F9: variants seen among roughly 807,000 people sequenced by gnomAD.
The protein encoded by F9 is coagulation factor IX, also known as Christmas factor.
Under a neutral mutation model 34.1 loss-of-function variants are expected in F9, and 2 were observed. That is an observed-to-expected ratio of 0.06 (90% CI 0.02 to 0.18). The LOEUF is 0.18. Ranked by LOEUF, F9 falls within the 10% of genes least tolerant of loss-of-function variation. The probability of loss-of-function intolerance (pLI) is 1.00; values close to 1 mark genes in which losing one functional copy is unlikely to be tolerated. For missense variants in F9, 216 were observed against 345.1 expected (o/e 0.63, Z 2.96); for synonymous variants, 137 against 118.8 (o/e 1.15, Z -1.00).
intron 6 of F9, among the ~76,000 whole-genome samples, chrX:139,553,762 G>A (rs368481387): frequency 2.1e-4 from 19 of 91,673 alleles, no homozygotes; most frequent in Non-Finnish European, 3.1e-4. Context: ...GCAGTGAGCC[G>A]AGATCCCGCC....
At chrX:139,541,026 G>A in intron 3 of F9, 50 bp from the exon 4 acceptor site, 1 of 927,317 alleles carries the variant, frequency 1.1e-6, no homozygotes, top group Non-Finnish European at 1.5e-6. Flanking sequence ...GGAGGACCGG[G>A]CATTCTAAGC....
intron 6 of F9, among the ~76,000 whole-genome samples, chrX:139,558,104 G>A (rs1174782866): frequency 1.8e-5 from 2 of 113,128 alleles, no homozygotes; most frequent in African/African-American, 3.2e-5. Context: ...CTCCCCCAGC[G>A]GGGACATGGG....
In F9 at chrX:139,530,872, A is replaced by AAAT. The variant is rs769827489; in HGVS notation, c.88+20_88+21insAAT. ...GTACAGGTTTGTTTCCTTTTTTAAA[A>AAAT]TACATTGAGTATGCTTGCCTTTTAG... On this transcript the variant is annotated intron_variant, in intron 1 of 7. Coordinates refer to ENST00000218099, the MANE Select transcript of F9 (RefSeq NM_000133.4). The AAAT allele has an allele frequency of 9.0e-7, 1 of 1,116,269 alleles. No individual in the cohort carries two copies. The allele number at this position is 1,116,269 out of a possible 1,213,427, so 92.0% of individuals were successfully genotyped here. A position where few individuals can be genotyped will look rare whatever the true frequency, so the allele number is the denominator to read the frequency against.
intron 1 of F9, among the ~76,000 whole-genome samples, chrX:139,531,531 G>T (rs1927344097): frequency 8.9e-6 from 1 of 112,258 alleles, no homozygotes; most frequent in Non-Finnish European, 1.9e-5. Context: ...GAGTTCCCTA[G>T]GGGAGAAAAG....
At chrX:139,555,643 G>A in intron 6 of F9, among the ~76,000 whole-genome samples, 1 of 112,721 alleles carries the variant, frequency 8.9e-6, no homozygotes, top group Non-Finnish European at 1.9e-5. Flanking sequence ...GATGGGCTCA[G>A]AGCTCCTTGA....
In F9 at chrX:139,541,211, A is replaced by T. The variant is rs1252454611; in HGVS notation, c.391+22A>T. 2.9e-6 allele frequency: 3 copies of T among 1,040,215 alleles called. No individual in the cohort carries two copies. In the Admixed American group the frequency reaches 6.7e-5, roughly 23 times the overall value. The allele number at this position is 1,040,215 out of a possible 1,213,427, so 85.7% of individuals were successfully genotyped here. ...TTAGGTAAGTAACTATTTTTTGAAT[A>T]CTCATGGTTCAAAGTTTCCCTCTGA... On this transcript the variant is annotated intron_variant, in intron 4 of 7. Coordinates refer to ENST00000218099, the MANE Select transcript of F9 (RefSeq NM_000133.4).
At chrX:139,534,147 C>A (rs1023574444) in intron 1 of F9, among the ~76,000 whole-genome samples, 1 of 111,703 alleles carries the variant, frequency 9.0e-6, no homozygotes, top group African/African-American at 3.3e-5. Context: ...AAAAGAGCTA[C>A]ACAGAAGTTA....
At chrX:139,540,990 C>T in intron 3 of F9, 86 bp from the exon 4 acceptor site, 1 of 681,107 alleles carries the variant, frequency 1.5e-6, no homozygotes, top group East Asian at 4.1e-5. Flanking sequence ...TAAAATCAGA[C>T]TCCCATCCCA....
chrX:139,538,241 C>T (rs1336015610), intron 3 of F9, among the ~76,000 whole-genome samples: 1 of 112,037 alleles, frequency 8.9e-6, no homozygotes, highest in Non-Finnish European at 1.9e-5. Context: ...GCACCTAGAA[C>T]AGTATCTGGA....
At chrX:139,558,587 T>C (rs748910175) in intron 6 of F9, among the ~76,000 whole-genome samples, 1 of 113,016 alleles carries the variant, frequency 8.8e-6, no homozygotes, top group Non-Finnish European at 1.9e-5. Flanking sequence ...GCAAAAGTTT[T>C]GTATTTTAGT....
chrX:139,552,328 G>A (rs760361539), intron 6 of F9, among the ~76,000 whole-genome samples: 1 of 112,434 alleles, frequency 8.9e-6, no homozygotes, highest in Non-Finnish European at 1.9e-5. Context: ...AGCGTAGTCT[G>A]CAAACAACCT....
chrX:139,534,150 A>C (rs776501977), intron 1 of F9, among the ~76,000 whole-genome samples: 1 of 112,234 alleles, frequency 8.9e-6, no homozygotes, highest in East Asian at 2.8e-4. Flanking sequence ...AGAGCTACAC[A>C]GAAGTTATTA....
At chrX:139,537,909 A>T (rs1198130643) in intron 3 of F9, among the ~76,000 whole-genome samples, 1 of 111,134 alleles carries the variant, frequency 9.0e-6, no homozygotes, top group East Asian at 2.8e-4. Flanking sequence ...TGGAGGCTTT[A>T]TCTGGCTGTT....
At chrX:139,552,270 A>G (rs751750655) in intron 6 of F9, among the ~76,000 whole-genome samples, 2 of 112,093 alleles carry the variant, frequency 1.8e-5, no homozygotes, top group South Asian at 3.7e-4. Context: ...ACACCAAATA[A>G]TGCACTTGTA....
At chrX:139,551,344 C>G in intron 6 of F9, 80 bp downstream of exon 6, 2 of 841,547 alleles carry the variant, frequency 2.4e-6, no homozygotes, top group South Asian at 2.0e-5. Context: ...GGCTATTTTA[C>G]TAGACAGACC....
Position 139,562,185 on chromosome X carries a change from T to C in F9, c.*114T>C. On this transcript the variant is annotated 3_prime_UTR_variant, in exon 8 of 8. Transcript: ENST00000218099. Reference sequence around the variant, plus strand: ...TTTGAATATATACATTCTATGATCATTGCTTTTTCTCTTTACAGGGGAGAA... The same window carrying C: ...TTTGAATATATACATTCTATGATCACTGCTTTTTCTCTTTACAGGGGAGAA... The C allele has an allele frequency of 1.5e-6, 1 of 671,466 alleles. No individual in the cohort carries two copies. Among genetic ancestry groups the C allele is most frequent in the Non-Finnish European group, 2.3e-6 (1 of 438,960 alleles). The allele number at this position is 671,466 out of a possible 1,213,427, so 55.3% of individuals were successfully genotyped here. A position where few individuals can be genotyped will look rare whatever the true frequency, so the allele number is the denominator to read the frequency against.
chrX:139,551,129 T>C lies in F9; in HGVS notation c.588T>C (p.Phe196=). 1 of 1,211,480 alleles carries C rather than the reference T, an allele frequency of 8.3e-7. No homozygotes were observed. The highest frequency in any genetic ancestry group is 1.1e-6 in the Non-Finnish European group (1 of 895,002). ...TSKLTRAETV[F]PDVDYVNSTE... ...AGCTCACCCGTGCTGAGACTGTTTTTCCTGATGTGGACTATGTAAATTCTA... is the reference window on the plus strand; with the variant it reads ...AGCTCACCCGTGCTGAGACTGTTTTCCCTGATGTGGACTATGTAAATTCTA... The change falls in exon 6 of 8, where the codon TTT becomes TTC. Residue 196 remains phenylalanine (F), a synonymous_variant. Coordinates refer to ENST00000218099, the MANE Select transcript of F9 (RefSeq NM_000133.4).
At chrX:139,539,018 T>C (rs1927545831) in intron 3 of F9, among the ~76,000 whole-genome samples, 1 of 111,679 alleles carries the variant, frequency 9.0e-6, no homozygotes, top group African/African-American at 3.3e-5. Context: ...GCAGTCAAGG[T>C]TCCTAACCAC....
intron 3 of F9, 112 bp downstream of exon 3, chrX:139,537,498 A>C: frequency 3.2e-6 from 2 of 627,121 alleles, no homozygotes; most frequent in East Asian, 7.0e-5. Context: ...GGACTCAGAA[A>C]GATCAGTCCA....
Sources: allele counts gnomAD v4.1 joint callset (sites outside exome capture counted in the v4.1 genomes callset), GRCh38; gene constraint gnomAD v4.1.1; transcripts MANE v1.5; gene names NCBI Gene and HGNC (gene_info 2026-07-23, HGNC 2026-07-21).